Variants in PDE12 observed in about 807,000 individuals in gnomAD.
PDE12 encodes 2',5'-phosphodiesterase 12.
In PDE12, 26 loss-of-function variants were observed where a neutral mutation model predicts 45.4. The ratio of observed to expected loss-of-function variants is 0.57; its 90% CI spans 0.42 to 0.79. The LOEUF (loss-of-function observed/expected upper bound fraction) is 0.79. PDE12 is among the 30% of genes least tolerant of loss of function. The probability of loss-of-function intolerance (pLI) is 0.00; values close to 1 mark genes in which losing one functional copy is unlikely to be tolerated. For synonymous variants in PDE12, 283 were observed against 323.9 expected, an observed-to-expected ratio of 0.87 and a Z score of 1.36; for missense variants, 668 against 790.0, an observed-to-expected ratio of 0.85 and a Z score of 1.85.
the PDE12 span, among the ~76,000 whole-genome samples, chr3:57,595,424 A>T: frequency 6.6e-5 from 10 of 152,214 alleles, no homozygotes; most frequent in African/African-American, 1.9e-4. Context: ...GCCACTGAAA[A>T]CTTAAATATG....
the PDE12 span, among the ~76,000 whole-genome samples, chr3:57,636,668 G>A: frequency 1.3e-5 from 2 of 152,170 alleles, no homozygotes; most frequent in African/African-American, 4.8e-5. Context: ...CGGGCGTGGT[G>A]GCTCACGCCT....
In PDE12 at chr3:57,565,251, AGTACTGG is replaced by A. The variant is rs2069773325; in HGVS notation, c.*5249_*5255del. On this transcript the variant is annotated 3_prime_UTR_variant, in exon 3 of 3. Coordinates refer to ENST00000311180, the MANE Select transcript of PDE12 (RefSeq NM_177966.7). ...TGACTCTCCCGCTTCAGCCTCCCAA[AGTACTGG>A]GATTATAGGTGTGAGCCAGCACACA... 1 of 152,170 alleles carries A rather than the reference AGTACTGG, an allele frequency of 6.6e-6. No homozygotes were observed. Among genetic ancestry groups the A allele is most frequent in the Non-Finnish European group, 1.5e-5 (1 of 68,042 alleles). The allele number at this position is 152,170 out of a possible 1,614,324, so 9.4% of individuals were successfully genotyped here. A position where few individuals can be genotyped will look rare whatever the true frequency, so the allele number is the denominator to read the frequency against.
rs2069738157 is a variant in PDE12, at chr3:57,562,483, T to C, written c.*2479T>C. 1 of 152,220 alleles carries C rather than the reference T, an allele frequency of 6.6e-6. No homozygotes were observed. Among genetic ancestry groups the C allele is most frequent in the South Asian group, 2.1e-4 (1 of 4,838 alleles). The allele number at this position is 152,220 out of a possible 1,614,324, so 9.4% of individuals were successfully genotyped here. A position where few individuals can be genotyped will look rare whatever the true frequency, so the allele number is the denominator to read the frequency against. On this transcript the variant is annotated 3_prime_UTR_variant, in exon 3 of 3. Coordinates refer to ENST00000311180, the MANE Select transcript of PDE12 (RefSeq NM_177966.7). Reference sequence around the variant, plus strand: ...TGTATAAATAGCATACACATTTCTTTGTACTCATGAGTTAGAATGCAGTGT... The same window carrying C: ...TGTATAAATAGCATACACATTTCTTCGTACTCATGAGTTAGAATGCAGTGT...
chr3:57,586,957 A>ATG, the PDE12 span, among the ~76,000 whole-genome samples: 1 of 150,986 alleles, frequency 6.6e-6, no homozygotes, highest in Non-Finnish European at 1.5e-5. Context: ...ACACACACGC[A>ATG]CACACACAAA....
chr3:57,560,856 AC>A lies in PDE12; in HGVS notation c.*854del. Reference sequence around the variant, plus strand: ...CATGGAAGGAGTAACATTAGGGTCTACCTCTACCTCAATTTAGTTAGCGATT... The same window carrying A: ...CATGGAAGGAGTAACATTAGGGTCTACTCTACCTCAATTTAGTTAGCGATT... On this transcript the variant is annotated 3_prime_UTR_variant, in exon 3 of 3. Transcript: ENST00000311180. 5.1e-6 allele frequency: 5 copies of A among 985,394 alleles called. No individual in the cohort carries two copies. The highest frequency in any genetic ancestry group is 6.0e-6 in the Non-Finnish European group (5 of 829,540). 61.0% of individuals were successfully genotyped at this position (985,394 alleles called of 1,614,324 possible).
At chr3:57,610,285 A>G in the PDE12 span, among the ~76,000 whole-genome samples, 2 of 152,298 alleles carry the variant, frequency 1.3e-5, no homozygotes, top group Non-Finnish European at 2.9e-5. Flanking sequence ...ATCATCCTGA[A>G]TGGGCAAAAA....
At chr3:57,604,868 C>T in the PDE12 span, among the ~76,000 whole-genome samples, 1 of 151,976 alleles carries the variant, frequency 6.6e-6, no homozygotes, top group East Asian at 1.9e-4. Context: ...CCACCTCAGC[C>T]TCCCGAAGTA....
chr3:57,604,326 A>G, the PDE12 span, among the ~76,000 whole-genome samples: 1 of 152,168 alleles, frequency 6.6e-6, no homozygotes, highest in Non-Finnish European at 1.5e-5. Context: ...AATTAGATTT[A>G]CTGATTCATG....
the PDE12 span, among the ~76,000 whole-genome samples, chr3:57,582,362 C>T: frequency 1.3e-5 from 2 of 151,980 alleles, no homozygotes; most frequent in Non-Finnish European, 2.9e-5. Flanking sequence ...CCTGCCTCAG[C>T]CTCCTGAGTA....
Position 57,557,231 on chromosome 3 carries a change from C to T in PDE12, c.852C>T (p.Leu284=). Residue 284 remains leucine, a synonymous_variant, in exon 1 of 3, where the codon CTC becomes CTT. Coordinates refer to ENST00000311180, the MANE Select transcript of PDE12 (RefSeq NM_177966.7). ...PGTCTFDHRH[L]YTKKVTEDAL... ...CCTGCACTTTTGACCACCGGCATCTCTACACGAAGAAGGTGACTGAGGACG... is the reference window on the plus strand; with the variant it reads ...CCTGCACTTTTGACCACCGGCATCTTTACACGAAGAAGGTGACTGAGGACG... 6.2e-7 allele frequency: 1 copy of T among 1,614,072 alleles called. No homozygotes were observed. Among genetic ancestry groups the T allele is most frequent in the Non-Finnish European group, 8.5e-7 (1 of 1,180,026 alleles).
the PDE12 span, among the ~76,000 whole-genome samples, chr3:57,629,063 A>G: frequency 9.9e-5 from 15 of 152,262 alleles, no homozygotes; most frequent in Non-Finnish European, 1.8e-4. Context: ...TAACTGTTAG[A>G]TAATTTTCTG....
At chr3:57,572,142 A>T in the PDE12 span, 1 of 1,235,872 alleles carries the variant, frequency 8.1e-7, no homozygotes, top group African/African-American at 1.5e-5. Context: ...CCAAGATACA[A>T]ACTAATTTTG....
At chr3:57,634,265 T>A in the PDE12 span, among the ~76,000 whole-genome samples, 1 of 125,570 alleles carries the variant, frequency 8.0e-6, no homozygotes, top group Admixed American at 8.7e-5. Context: ...AAACCCCGTC[T>A]CTACTAAAAA....
At position 57,556,692 on chromosome 3, in the gene PDE12, G is replaced by A; in HGVS notation, c.313G>A (p.Gly105Ser). 4 of 1,595,512 alleles carry A rather than the reference G, an allele frequency of 2.5e-6. No homozygotes were observed. Among genetic ancestry groups the A allele is most frequent in the South Asian group, 1.1e-5 (1 of 89,678 alleles). ...SRKSRPNASG[G>S]AACSGPGPEP... Reference sequence around the variant, plus strand: ...GAAGAGCCGGCCGAATGCTAGCGGCGGTGCGGCCTGTTCAGGGCCGGGGCC... The same window carrying A: ...GAAGAGCCGGCCGAATGCTAGCGGCAGTGCGGCCTGTTCAGGGCCGGGGCC... Residue 105 changes from glycine (G) to serine (S), a missense_variant, in exon 1 of 3, where the codon GGT becomes AGT. Gly to Ser is a moderately conservative substitution (Grantham distance 56, BLOSUM62 0). Around this residue, in one of 3 missense-constraint regions of PDE12, gnomAD observed 580 missense variants for 662.9 expected, o/e 0.87. Coordinates refer to ENST00000311180, the MANE Select transcript of PDE12 (RefSeq NM_177966.7). The surrounding 1 kb of genome is among the most constrained non-coding windows in gnomAD (Gnocchi z 5.0).
At chr3:57,577,990 G>T in the PDE12 span, among the ~76,000 whole-genome samples, 1 of 151,934 alleles carries the variant, frequency 6.6e-6, no homozygotes, top group Non-Finnish European at 1.5e-5. Flanking sequence ...GACGGAGGTT[G>T]CAGGGAGCTG....
the PDE12 span, among the ~76,000 whole-genome samples, chr3:57,586,340 G>C: frequency 6.6e-6 from 1 of 152,140 alleles, no homozygotes; most frequent in Non-Finnish European, 1.5e-5. Flanking sequence ...ATGCTAGTAA[G>C]TTAAAAAAGA....
At chr3:57,589,233 G>A in the PDE12 span, among the ~76,000 whole-genome samples, 2 of 152,090 alleles carry the variant, frequency 1.3e-5, no homozygotes, top group African/African-American at 2.4e-5. Context: ...GCACCACTGT[G>A]CTTCAGCCTG....
the PDE12 span, among the ~76,000 whole-genome samples, chr3:57,591,869 T>C: frequency 2.6e-5 from 4 of 152,046 alleles, no homozygotes; most frequent in Admixed American, 6.6e-5. Flanking sequence ...GATTAACCCA[T>C]AGAAACAGAA....
the PDE12 span, among the ~76,000 whole-genome samples, chr3:57,574,144 T>A: frequency 6.6e-6 from 1 of 151,716 alleles, no homozygotes; most frequent in Admixed American, 6.6e-5. Context: ...TTTCATCATC[T>A]TGGCCATGTT....
Sources: gnomAD v4.1 joint callset for allele counts (sites outside exome capture counted in the v4.1 genomes callset) on GRCh38, gnomAD v4.1.1 for gene constraint, gnomAD v4.1.1 regional missense constraint, Gnocchi (gnomAD v3.1) non-coding constraint, MANE v1.5 for transcripts, NCBI Gene and HGNC (gene_info 2026-07-23, HGNC 2026-07-21) for gene names.